Variants in TOGARAM1 observed in about 807,000 individuals in gnomAD.
TOGARAM1 encodes the protein TOG array regulator of axonemal microtubules protein 1.
Under a neutral mutation model 166.6 loss-of-function variants are expected in TOGARAM1, and 100 were observed. That is an observed-to-expected ratio of 0.60 (90% CI 0.51 to 0.71). The LOEUF is 0.71. Among genes scored for constraint, TOGARAM1 ranks in the 30% least tolerant of loss-of-function variants. The pLI is 0.00. For missense variants in TOGARAM1, 2,029 were observed against 2,102.7 expected, an observed-to-expected ratio of 0.96 and a Z score of 0.69; for synonymous variants, 758 against 763.8, an observed-to-expected ratio of 0.99 and a Z score of 0.13.
chr14:45,064,898 G>A (rs545179849), intron 16 of TOGARAM1, among the ~76,000 whole-genome samples: 5 of 152,148 alleles, frequency 3.3e-5, no homozygotes, highest in East Asian at 1.9e-4. Flanking sequence ...GTGTGAGTGC[G>A]TTTGTGTGCA....
rs1482690191 is a variant in TOGARAM1, at chr14:45,009,102, T to C, written c.3094T>C (p.Leu1032=). 6.2e-7 allele frequency: 1 copy of C among 1,614,098 alleles called. No individual in the cohort carries two copies. Among genetic ancestry groups the C allele is most frequent in the Non-Finnish European group, 8.5e-7 (1 of 1,179,968 alleles). ...SESGVYSQES[L]TSSLSTTPQG... ...AAGTGGAGTTTACAGCCAAGAATCA[T>C]TGACTTCTTCTCTGTCTACAACTCC... The change falls in exon 6 of 20, where the codon TTG becomes CTG. Residue 1032 remains leucine, a synonymous_variant. Transcript: ENST00000361462.
At chr14:45,055,800 C>CAAA (rs35535638) in intron 16 of TOGARAM1, among the ~76,000 whole-genome samples, 2,243 of 47,208 alleles carry the variant, frequency 0.048, 196 homozygotes, top group African/African-American at 0.16. Flanking sequence ...GACTCCATCT[C>CAAA]AAAAAAAAAA....
At chr14:44,985,264 G>A (rs1032200720) in intron 1 of TOGARAM1, among the ~76,000 whole-genome samples, 5 of 152,120 alleles carry the variant, frequency 3.3e-5, no homozygotes, top group African/African-American at 9.7e-5. Flanking sequence ...CGCCCGTCTC[G>A]GCCTCCCAAA....
chr14:45,034,194 C>A (rs1045396738), intron 11 of TOGARAM1, among the ~76,000 whole-genome samples: 1 of 152,070 alleles, frequency 6.6e-6, no homozygotes, highest in Non-Finnish European at 1.5e-5. Flanking sequence ...CAATAGTTTT[C>A]AAGACACTGT....
intron 1 of TOGARAM1, among the ~76,000 whole-genome samples, chr14:44,991,609 G>A (rs1376175933): frequency 6.6e-6 from 1 of 152,154 alleles, no homozygotes. Flanking sequence ...GTGAAAAGTC[G>A]TGGCAAAGAA....
intron 13 of TOGARAM1, among the ~76,000 whole-genome samples, chr14:45,045,543 G>GTATATATATA (rs375962126): frequency 1.3e-4 from 5 of 38,916 alleles, no homozygotes; most frequent in Non-Finnish European, 1.5e-4. Flanking sequence ...GTCTGTGTGT[G>GTATATATATA]TATATATATA....
intron 1 of TOGARAM1, among the ~76,000 whole-genome samples, chr14:44,983,311 G>A (rs1472524713): frequency 6.6e-6 from 1 of 152,202 alleles, no homozygotes; most frequent in Non-Finnish European, 1.5e-5. Context: ...ACAAAGAGAA[G>A]ATGACTTAAA....
intron 7 of TOGARAM1, among the ~76,000 whole-genome samples, chr14:45,015,897 A>G (rs1204963080): frequency 6.6e-6 from 1 of 152,122 alleles, no homozygotes; most frequent in East Asian, 1.9e-4. Context: ...TTTAAGATTT[A>G]ATATCTCTAA....
At chr14:44,980,260 G>A (rs1285017021) in intron 1 of TOGARAM1, among the ~76,000 whole-genome samples, 2 of 152,074 alleles carry the variant, frequency 1.3e-5, no homozygotes, top group African/African-American at 4.8e-5. Flanking sequence ...ATTGGTTAGT[G>A]ACATTAAATA....
At chr14:44,970,256 A>G (rs1271979695) in intron 1 of TOGARAM1, among the ~76,000 whole-genome samples, 3 of 152,152 alleles carry the variant, frequency 2.0e-5, no homozygotes, top group Admixed American at 6.5e-5. Context: ...TACTGTACAT[A>G]TTTTGCTAAA....
chr14:45,043,614 A>G (rs1881835853), intron 11 of TOGARAM1, 72 bp from the exon 12 acceptor site: 1 of 878,412 alleles, frequency 1.1e-6, no homozygotes, highest in African/African-American at 1.7e-5. Context: ...TACACAGAAA[A>G]TAAGACATTT....
intron 1 of TOGARAM1, among the ~76,000 whole-genome samples, chr14:44,975,025 A>G (rs1407437142): frequency 6.6e-6 from 1 of 152,140 alleles, no homozygotes; most frequent in Non-Finnish European, 1.5e-5. Context: ...TGGCTCTCCC[A>G]ATTTCTTTAG....
intron 5 of TOGARAM1, chr14:45,008,102 AC>A (rs1386726405): frequency 1.3e-5 from 2 of 152,206 alleles, no homozygotes; most frequent in Non-Finnish European, 2.9e-5. Context: ...GAAAACAGAT[AC>A]TTTCATTAAA....
intron 16 of TOGARAM1, among the ~76,000 whole-genome samples, chr14:45,056,430 C>T (rs1882642890): frequency 6.6e-6 from 1 of 152,088 alleles, no homozygotes; most frequent in African/African-American, 2.4e-5. Context: ...TGAAAGTGGG[C>T]ATCTTTGACT....
Position 45,044,757 on chromosome 14 carries a change from G to T in TOGARAM1, c.4041G>T (p.Lys1347Asn). The T allele has an allele frequency of 6.2e-7, 1 of 1,614,038 alleles. No individual in the cohort carries two copies. Among genetic ancestry groups the T allele is most frequent in the East Asian group, 2.2e-5 (1 of 44,858 alleles). Reference sequence around the variant, plus strand: ...CCACAGTAAAAGTTTTGTTGCACAAGGCTGGTGAATCAAATACATTTATAA... The same window carrying T: ...CCACAGTAAAAGTTTTGTTGCACAATGCTGGTGAATCAAATACATTTATAA... Reference protein sequence around the residue: ...LDTTVKVLLHKAGESNTFIRE... With the variant: ...LDTTVKVLLHNAGESNTFIRE... Residue 1347 changes from lysine (K) to asparagine (N), a missense_variant, in exon 13 of 20, where the codon AAG becomes AAT. Lys to Asn is a moderately conservative substitution (Grantham distance 94, BLOSUM62 0). Transcript: ENST00000361462.
At chr14:45,043,948 T>A (rs1434838181) in intron 12 of TOGARAM1, among the ~76,000 whole-genome samples, 157 bp downstream of exon 12, 2 of 152,188 alleles carry the variant, frequency 1.3e-5, no homozygotes, top group Non-Finnish European at 2.9e-5. Context: ...TTTGCAACAT[T>A]AAGAGAAACT....
Position 44,964,317 on chromosome 14 carries a change from T to G in TOGARAM1, c.1896T>G (p.Asp632Glu). The G allele has an allele frequency of 6.2e-7, 1 of 1,614,158 alleles. No individual in the cohort carries two copies. Among genetic ancestry groups the G allele is most frequent in the Non-Finnish European group, 8.5e-7 (1 of 1,180,024 alleles). The change falls in exon 1 of 20, where the codon GAT becomes GAG. Residue 632 changes from aspartate to glutamate, a missense_variant. By Grantham distance (45) the Asp-to-Glu change is conservative. Coordinates refer to ENST00000361462, the MANE Select transcript of TOGARAM1 (RefSeq NM_001308120.2). ...AHCHCGDHVR[D>E]SMHIYGSYSP... The stretch of plus-strand genomic sequence containing the variant: ...GTCACTGTGGTGACCACGTGAGGGA[T>G]AGCATGCACATTTATGGATCTTACA...
At chr14:44,983,780 T>A (rs1365443294) in intron 1 of TOGARAM1, among the ~76,000 whole-genome samples, 1 of 152,212 alleles carries the variant, frequency 6.6e-6, no homozygotes, top group Non-Finnish European at 1.5e-5. Context: ...ATTTTCTTTT[T>A]AAAATTATAT....
chr14:45,071,582 G>A (rs111302229), intron 18 of TOGARAM1, 130 bp from the exon 19 acceptor site: 111 of 537,472 alleles, frequency 2.1e-4, no homozygotes, highest in African/African-American at 1.9e-3. Flanking sequence ...TAGTGATTAT[G>A]TAGATTTTTA....
Sources: gnomAD v4.1 joint callset for allele counts (sites outside exome capture counted in the v4.1 genomes callset) on GRCh38, gnomAD v4.1.1 for gene constraint, MANE v1.5 for transcripts, NCBI Gene and HGNC (gene_info 2026-07-23, HGNC 2026-07-21) for gene names.